Variants in RAP1GAP observed in about 807,000 individuals in gnomAD.
RAP1GAP encodes rap1 GTPase-activating protein 1.
A neutral mutation model predicts 87.2 loss-of-function variants in RAP1GAP; 35 were observed. That is an observed-to-expected ratio of 0.40 (90% CI 0.31 to 0.53). The LOEUF is 0.53. Ranked by LOEUF, RAP1GAP falls within the 20% of genes least tolerant of loss-of-function variation. RAP1GAP has a pLI of 0.48. For missense variants in RAP1GAP, 734 were observed against 898.9 expected (o/e 0.82, Z 2.35); for synonymous variants, 375 against 363.9 (o/e 1.03, Z -0.35).
chr1:21,600,028 C>T (rs1447426556), intron 20 of RAP1GAP, among the ~76,000 whole-genome samples: 1 of 152,154 alleles, frequency 6.6e-6, no homozygotes, highest in Non-Finnish European at 1.5e-5. Context: ...TACCCATCTT[C>T]CAGATGAGAT....
At chr1:21,599,928 C>T (rs1283282965) in intron 20 of RAP1GAP, among the ~76,000 whole-genome samples, 1 of 152,222 alleles carries the variant, frequency 6.6e-6, no homozygotes, top group African/African-American at 2.4e-5. Context: ...CAGCGGTTAG[C>T]GACACTAACA....
rs145137126 is a variant in RAP1GAP, at chr1:21,617,311, C to T, written c.286G>A (p.Gly96Ser). 3.0e-4 allele frequency: 472 copies of T among 1,571,402 alleles called. 1 individual carries two copies. In the African/African-American group the frequency reaches 5.2e-3, roughly 17 times the overall value. ...TGCACCAGCCGGCCACCCACCTTGC[C>T]GAGAAAGTGCTTCCGGTAGATGCGG... ...TARIYRKHFLGKEHFNYYSLD... is the reference protein window; with the variant it reads ...TARIYRKHFLSKEHFNYYSLD... Residue 96 changes from glycine (G) to serine (S), a missense_variant, in exon 7 of 25, where the codon GGC becomes AGC. Physicochemically the swap from Gly to Ser is moderately conservative, Grantham distance 56 (BLOSUM62 0). This residue lies in a region of RAP1GAP where 485 missense variants were observed against 646.2 expected (regional missense o/e 0.75). Coordinates refer to ENST00000374765, the MANE Select transcript of RAP1GAP (RefSeq NM_002885.4).
rs956579707 is a variant in RAP1GAP, at chr1:21,636,873, A to AAAGGAAGGAAGGAAAG, written c.-112-10492_-112-10477dup. On this transcript the variant is annotated intron_variant, in intron 2 of 24. Coordinates refer to ENST00000374765, the MANE Select transcript of RAP1GAP (RefSeq NM_002885.4). ...GAAGGAGGAGGAGGAGGAGGAGGGA[A>AAAGGAAGGAAGGAAAG]AAGGAAGGAAGGAAAGAAGGAAGGA... 2.1e-5 allele frequency among the ~76,000 whole-genome samples: 3 copies of AAAGGAAGGAAGGAAAG among 140,584 alleles called. No individual in the cohort carries two copies. The Admixed American group carries it at 2.2e-4, about 10-fold the overall frequency. The allele number at this position is 140,584 out of a possible 152,430, so 92.2% of individuals were successfully genotyped here.
At chr1:21,624,948 G>C (rs924677045) in intron 3 of RAP1GAP, among the ~76,000 whole-genome samples, 1 of 152,206 alleles carries the variant, frequency 6.6e-6, no homozygotes, top group African/African-American at 2.4e-5. Context: ...CTCCTCCTGA[G>C]ATGCTCAGGG....
Position 21,606,542 on chromosome 1 carries a change from G to A in RAP1GAP, c.1297-345C>T, listed in dbSNP as rs140435489. Among the ~76,000 whole-genome samples the A allele has an allele frequency of 1.8e-3, 267 of 152,328 alleles. 2 individuals are homozygous for A. Among genetic ancestry groups the A allele is most frequent in the African/African-American group, 5.9e-3 (245 of 41,572 alleles). ...GTGCTGAGTGTCCTCATGTGGCTGC[G>A]TAAGGACTGCAGAAGACACTGGGTC... On this transcript the variant is annotated intron_variant, in intron 17 of 24. Transcript: ENST00000374765.
At chr1:21,645,805 C>A (rs185045986) in intron 2 of RAP1GAP, among the ~76,000 whole-genome samples, 1 of 152,238 alleles carries the variant, frequency 6.6e-6, no homozygotes, top group Non-Finnish European at 1.5e-5. Flanking sequence ...CATTTCAGAG[C>A]CACTAATGAG....
intron 2 of RAP1GAP, among the ~76,000 whole-genome samples, chr1:21,642,875 T>TACACACACACACAC (rs61497285): frequency 1.5e-3 from 195 of 134,308 alleles, no homozygotes; most frequent in African/African-American, 4.0e-3. Context: ...CCTTCCCCAC[T>TACACACACACACAC]ACACACACAC....
rs958697626 is a variant in RAP1GAP, at chr1:21,603,076, G to A, written c.1429-163C>T. The A allele has an allele frequency of 8.5e-5, 51 of 599,878 alleles. No individual in the cohort carries two copies. Among genetic ancestry groups the A allele is most frequent in the Non-Finnish European group, 1.2e-4 (42 of 340,660 alleles). 37.2% of individuals were successfully genotyped at this position (599,878 alleles called of 1,614,324 possible). On this transcript the variant is annotated intron_variant, in intron 18 of 24. Coordinates refer to ENST00000374765, the MANE Select transcript of RAP1GAP (RefSeq NM_002885.4). The surrounding 1 kb of genome is among the most constrained non-coding windows in gnomAD (Gnocchi z 6.0). ...TCCCAGAGACAGCCTCCCAGTTTACGAAAGGGAAACAGTCCCCAGGAGGGC... is the reference window on the plus strand; with the variant it reads ...TCCCAGAGACAGCCTCCCAGTTTACAAAAGGGAAACAGTCCCCAGGAGGGC...
chr1:21,613,671 A>T lies in RAP1GAP; in HGVS notation c.431T>A (p.Ile144Asn). The stretch of plus-strand genomic sequence containing the variant: ...ATTAGGGAACTCGGTGAGGCAGGAG[A>T]TGGGGATGACATCATGGTATGTCCG... ...KCRTYHDVIP[I>N]SCLTEFPNVV... Residue 144 changes from isoleucine to asparagine, a missense_variant, in exon 9 of 25, where the codon ATC (isoleucine) becomes AAC (asparagine). By Grantham distance (149) the Ile-to-Asn change is moderately radical (BLOSUM62 -3). Transcript: ENST00000374765. This position sits in a 1 kb window ranked among gnomAD's most constrained non-coding sequence, Gnocchi z 4.7. 1 of 1,613,702 alleles carries T rather than the reference A, an allele frequency of 6.2e-7. No homozygotes were observed. Among genetic ancestry groups the T allele is most frequent in the South Asian group, 1.1e-5 (1 of 91,072 alleles).
At chr1:21,664,977 C>G (rs930774868) in intron 1 of RAP1GAP, among the ~76,000 whole-genome samples, 1 of 152,164 alleles carries the variant, frequency 6.6e-6, no homozygotes, top group African/African-American at 2.4e-5. Context: ...AAATGAGGCA[C>G]AGAGAAGGCA....
intron 1 of RAP1GAP, among the ~76,000 whole-genome samples, chr1:21,656,112 C>T (rs139866910): frequency 6.6e-6 from 1 of 152,220 alleles, no homozygotes; most frequent in Non-Finnish European, 1.5e-5. Context: ...ATATGTTAAA[C>T]CCCTATTCTC....
At chr1:21,638,200 A>G (rs2151174264) in intron 2 of RAP1GAP, among the ~76,000 whole-genome samples, 1 of 149,602 alleles carries the variant, frequency 6.7e-6, no homozygotes, top group East Asian at 2.0e-4. Context: ...GCTCACACCT[A>G]TAATCTCAGC....
intron 3 of RAP1GAP, among the ~76,000 whole-genome samples, chr1:21,624,482 T>C (rs1436440758): frequency 6.6e-6 from 1 of 152,078 alleles, no homozygotes; most frequent in Non-Finnish European, 1.5e-5. Flanking sequence ...ATGCCATCCA[T>C]GTTATAAATG....
chr1:21,658,399 C>G lies in RAP1GAP; in HGVS notation c.-148-8603G>C, dbSNP rs868293966. Among the ~76,000 whole-genome samples, 3 of 151,840 alleles carry G rather than the reference C, an allele frequency of 2.0e-5. 1 individual carries two copies. In the East Asian group the frequency reaches 5.8e-4, roughly 29 times the overall value. On this transcript the variant is annotated intron_variant, in intron 1 of 24. Transcript: ENST00000374765. Reference sequence around the variant, plus strand: ...CCTGACCAATATGGTGAAACCTTGTCTCTACTAAAAATACAAAAATTAGCC... The same window carrying G: ...CCTGACCAATATGGTGAAACCTTGTGTCTACTAAAAATACAAAAATTAGCC...
At chr1:21,623,201 A>G (rs1165142557) in intron 3 of RAP1GAP, among the ~76,000 whole-genome samples, 1 of 152,188 alleles carries the variant, frequency 6.6e-6, no homozygotes, top group African/African-American at 2.4e-5. Flanking sequence ...GGCCCGTGGT[A>G]TGGAGGAAAG....
At chr1:21,635,395 T>C (rs141878673) in intron 2 of RAP1GAP, among the ~76,000 whole-genome samples, 235 of 152,278 alleles carry the variant, frequency 1.5e-3, no homozygotes, top group Non-Finnish European at 3.1e-3. Context: ...TTCATTCCTC[T>C]GCTCAGTCAT....
Position 21,603,083 on chromosome 1 carries a change from A to T in RAP1GAP, c.1429-170T>A. On this transcript the variant is annotated intron_variant, in intron 18 of 24. Coordinates refer to ENST00000374765, the MANE Select transcript of RAP1GAP (RefSeq NM_002885.4). This position sits in a 1 kb window ranked among gnomAD's most constrained non-coding sequence, Gnocchi z 6.0. ...GACAGCCTCCCAGTTTACGAAAGGG[A>T]AACAGTCCCCAGGAGGGCAAGGGGC... 1.7e-6 allele frequency: 1 copy of T among 592,414 alleles called. No individual in the cohort carries two copies. Among genetic ancestry groups the T allele is most frequent in the South Asian group, 2.1e-5 (1 of 47,930 alleles). The allele number at this position is 592,414 out of a possible 1,614,324, so 36.7% of individuals were successfully genotyped here. A position where few individuals can be genotyped will look rare whatever the true frequency, so the allele number is the denominator to read the frequency against.
rs767041596 is a variant in RAP1GAP, at chr1:21,601,722, G to A, written c.1614C>T (p.Ser538=). The A allele has an allele frequency of 3.1e-6, 5 of 1,612,460 alleles. No homozygotes were observed. The highest frequency in any genetic ancestry group is 4.2e-6 in the Non-Finnish European group (5 of 1,178,914). ...VSQEPKSENS[S]TQSSPEMPTT... ...TGGGCATCTCTGGGGAGCTCTGAGT[G>A]GATGAGTTCTCCGACTTGGGCTCCT... Residue 538 remains serine, a synonymous_variant, in exon 20 of 25, where the codon TCC becomes TCT. Coordinates refer to ENST00000374765, the MANE Select transcript of RAP1GAP (RefSeq NM_002885.4).
At position 21,651,667 on chromosome 1, in the gene RAP1GAP, C is replaced by T. The variant is rs371354918; in HGVS notation, c.-148-1871G>A. The T allele has an allele frequency of 3.7e-4, 414 of 1,132,534 alleles. 1 individual carries two copies. Among genetic ancestry groups the T allele is most frequent in the Admixed American group, 9.4e-4 (51 of 54,070 alleles). The allele number at this position is 1,132,534 out of a possible 1,614,324, so 70.2% of individuals were successfully genotyped here. ...TCAAACGCTCAGCCCCCACAGCAGT[C>T]ATAGCCCAGGCCCACCCGCCCAAAC... On this transcript the variant is annotated intron_variant, in intron 1 of 24. Transcript: ENST00000374765.
Sources: allele counts gnomAD v4.1 joint callset (sites outside exome capture counted in the v4.1 genomes callset), GRCh38; gene constraint gnomAD v4.1.1; regional missense constraint gnomAD v4.1.1; non-coding constraint Gnocchi (gnomAD v3.1); transcripts MANE v1.5; gene names NCBI Gene and HGNC (gene_info 2026-07-23, HGNC 2026-07-21).